PDE10A: variants seen among roughly 807,000 people sequenced by gnomAD.
PDE10A encodes the protein phosphodiesterase 10A.
PDE10A carries 39 observed loss-of-function variants against 97.7 expected under a neutral mutation model. That is an observed-to-expected ratio of 0.40 (90% CI 0.31 to 0.52). The LOEUF is 0.52. PDE10A is among the 20% of genes least tolerant of loss of function. PDE10A has a pLI of 0.56. For synonymous variants in PDE10A, 371 were observed against 376.8 expected (o/e 0.98, Z 0.18); for missense variants, 731 against 1,047.8 (o/e 0.70, Z 4.17).
chr6:165,751,494 G>A (rs78658957), intron 1 of PDE10A, among the ~76,000 whole-genome samples: 5,994 of 152,284 alleles, frequency 0.039, 172 homozygotes, highest in Middle Eastern at 0.088. Flanking sequence ...CCCTTGGGGT[G>A]CCCTTGATGA....
chr6:165,677,138 T>G (rs1790821306), intron 1 of PDE10A, among the ~76,000 whole-genome samples: 2 of 152,178 alleles, frequency 1.3e-5, no homozygotes, highest in Non-Finnish European at 2.9e-5. Flanking sequence ...AGATGAGGAT[T>G]AACGTTAGAT....
intron 10 of PDE10A, among the ~76,000 whole-genome samples, chr6:165,427,993 T>C (rs1230781270): frequency 1.3e-5 from 2 of 152,104 alleles, no homozygotes; most frequent in Admixed American, 1.3e-4. Context: ...ATTTGTCTTT[T>C]ACTATGTTAA....
At chr6:165,806,841 A>C (rs983647794) in intron 1 of PDE10A, among the ~76,000 whole-genome samples, 3 of 152,346 alleles carry the variant, frequency 2.0e-5, no homozygotes, top group Admixed American at 6.5e-5. Flanking sequence ...ATTGGGGTTC[A>C]TTTAGTCAAT....
At chr6:165,823,102 G>T (rs1051633918) in intron 1 of PDE10A, among the ~76,000 whole-genome samples, 2 of 151,746 alleles carry the variant, frequency 1.3e-5, no homozygotes, top group Admixed American at 6.6e-5. Context: ...AAAGTGCTGG[G>T]ATTACAGGAG....
intron 1 of PDE10A, among the ~76,000 whole-genome samples, chr6:165,616,141 C>G (rs1196198811): frequency 1.3e-5 from 2 of 152,044 alleles, no homozygotes; most frequent in Non-Finnish European, 2.9e-5. Flanking sequence ...GTTTCCGTCT[C>G]CTACTTGGCC....
At chr6:165,789,462 C>G (rs1000200784) in intron 1 of PDE10A, among the ~76,000 whole-genome samples, 2 of 152,080 alleles carry the variant, frequency 1.3e-5, no homozygotes. Context: ...ATTTGTGAAT[C>G]GTTCCTGGGG....
At chr6:165,777,133 G>T (rs1023050406) in intron 1 of PDE10A, among the ~76,000 whole-genome samples, 1 of 152,196 alleles carries the variant, frequency 6.6e-6, no homozygotes, top group Admixed American at 6.5e-5. Flanking sequence ...CATCCCGGAC[G>T]AATCTCAGCT....
intron 18 of PDE10A, among the ~76,000 whole-genome samples, chr6:165,367,756 A>C (rs1004327930): frequency 2.6e-5 from 4 of 152,040 alleles, no homozygotes; most frequent in African/African-American, 9.7e-5. Flanking sequence ...GTCCAGTGAA[A>C]ATATCTTTAA....
intron 3 of PDE10A, among the ~76,000 whole-genome samples, chr6:165,456,677 T>C (rs535546881): frequency 2.0e-5 from 3 of 152,340 alleles, no homozygotes; most frequent in Middle Eastern, 3.4e-3. Flanking sequence ...ATACTGTCTG[T>C]AAAATGCTTT....
intron 7 of PDE10A, among the ~76,000 whole-genome samples, chr6:165,432,450 A>G (rs1282155570): frequency 6.6e-6 from 1 of 152,204 alleles, no homozygotes; most frequent in African/African-American, 2.4e-5. Flanking sequence ...GTGGGGTCGC[A>G]GGAGATGGGT....
chr6:165,416,006 A>C (rs1788284284), intron 12 of PDE10A, among the ~76,000 whole-genome samples, 183 bp downstream of exon 12: 1 of 152,226 alleles, frequency 6.6e-6, no homozygotes, highest in South Asian at 2.1e-4. Flanking sequence ...GTGGATTAGA[A>C]TCCATCATTT....
At chr6:165,809,387 G>C (rs752279827) in intron 1 of PDE10A, among the ~76,000 whole-genome samples, 2 of 152,122 alleles carry the variant, frequency 1.3e-5, no homozygotes, top group Non-Finnish European at 2.9e-5. Flanking sequence ...TGGAAGCAAG[G>C]CTCTTCCTTG....
chr6:165,832,756 T>C (rs1779959146), intron 1 of PDE10A, among the ~76,000 whole-genome samples: 2 of 152,248 alleles, frequency 1.3e-5, no homozygotes, highest in African/African-American at 4.8e-5. Flanking sequence ...GTGGGAAGTT[T>C]ACATTTCAAG....
chr6:165,962,348 G>A (rs1784387017), intron 1 of PDE10A, among the ~76,000 whole-genome samples: 2 of 152,240 alleles, frequency 1.3e-5, no homozygotes, highest in Non-Finnish European at 2.9e-5. Context: ...AAAGGTGAGT[G>A]GCTCCGGGGC....
chr6:165,576,756 C>G (rs1785327563), intron 1 of PDE10A, among the ~76,000 whole-genome samples: 1 of 152,188 alleles, frequency 6.6e-6, no homozygotes, highest in African/African-American at 2.4e-5. Context: ...AAATGCAAAT[C>G]ACTGATTTCT....
intron 1 of PDE10A, among the ~76,000 whole-genome samples, chr6:165,837,857 T>A (rs1780110264): frequency 6.6e-6 from 1 of 152,062 alleles, no homozygotes. Flanking sequence ...GGCTAATTTT[T>A]TGTATTTTTA....
chr6:165,637,676 T>C (rs1483402980), intron 1 of PDE10A, among the ~76,000 whole-genome samples: 1 of 152,134 alleles, frequency 6.6e-6, no homozygotes, highest in African/African-American at 2.4e-5. Flanking sequence ...AAGCTTCTTC[T>C]CATCCAAGGA....
intron 2 of PDE10A, among the ~76,000 whole-genome samples, chr6:165,482,997 T>C (rs1280292296): frequency 6.6e-6 from 1 of 152,154 alleles, no homozygotes; most frequent in African/African-American, 2.4e-5. Context: ...GGCAAGAAGA[T>C]GCCTGTGTGA....
intron 1 of PDE10A, among the ~76,000 whole-genome samples, chr6:165,934,070 G>T (rs1159947626): frequency 6.7e-6 from 1 of 148,678 alleles, no homozygotes; most frequent in Non-Finnish European, 1.5e-5. Flanking sequence ...TGCAACCTCC[G>T]CTTCCCAGGT....
Sources: gnomAD v4.1 joint callset for allele counts (sites outside exome capture counted in the v4.1 genomes callset) on GRCh38, gnomAD v4.1.1 for gene constraint, MANE v1.5 for transcripts, NCBI Gene and HGNC (gene_info 2026-07-23, HGNC 2026-07-21) for gene names.